BRCA1: variants seen among roughly 807,000 people sequenced by gnomAD.
The protein encoded by BRCA1 is BRCA1 DNA repair associated, also known as breast cancer type 1 susceptibility protein.
In BRCA1, 140 loss-of-function variants were observed where a neutral mutation model predicts 173.7. The ratio of observed to expected loss-of-function variants is 0.81; its 90% CI spans 0.70 to 0.93. The LOEUF (loss-of-function observed/expected upper bound fraction) is 0.93. Ranked by LOEUF, BRCA1 falls within the 40% of genes least tolerant of loss-of-function variation. The probability of loss-of-function intolerance (pLI) is 0.00; values close to 1 mark genes in which losing one functional copy is unlikely to be tolerated. For synonymous variants in BRCA1, 662 were observed against 756.0 expected, an observed-to-expected ratio of 0.88 and a Z score of 2.04; for missense variants, 1,983 against 2,172.5, an observed-to-expected ratio of 0.91 and a Z score of 1.73.
At chr17:43,145,978 G>A (rs140707690) in intron 1 of BRCA1, among the ~76,000 whole-genome samples, 5 of 152,180 alleles carry the variant, frequency 3.3e-5, no homozygotes, top group African/African-American at 1.2e-4. Flanking sequence ...TTGTTTTGTA[G>A]TAGAATTGTT....
chr17:43,109,923 C>T lies in BRCA1; in HGVS notation c.135-3390G>A, dbSNP rs187354131. Among the ~76,000 whole-genome samples, 731 of 149,914 alleles carry T rather than the reference C, an allele frequency of 4.9e-3. 3 individuals carry two copies. Among genetic ancestry groups the T allele is most frequent in the South Asian group, 0.028 (134 of 4,770 alleles). ...CTTTTTTTTTTTTTTTAGACGGAGTCTCGCTCTGTCTCTCAGGCTGGAGTG... is the reference window on the plus strand; with the variant it reads ...CTTTTTTTTTTTTTTTAGACGGAGTTTCGCTCTGTCTCTCAGGCTGGAGTG... On this transcript the variant is annotated intron_variant, in intron 3 of 22. Coordinates refer to ENST00000357654, the MANE Select transcript of BRCA1 (RefSeq NM_007294.4).
At chr17:43,079,775 G>A (rs941161520) in intron 12 of BRCA1, 14 of 1,080,228 alleles carry the variant, frequency 1.3e-5, no homozygotes, top group East Asian at 2.4e-5. Flanking sequence ...TGAATTCATG[G>A]CATAATAGGT....
At chr17:43,139,110 G>A (rs554856486) in intron 1 of BRCA1, among the ~76,000 whole-genome samples, 4 of 151,812 alleles carry the variant, frequency 2.6e-5, no homozygotes, top group Non-Finnish European at 2.9e-5. Flanking sequence ...CTCTGCCCCC[G>A]GTTCCTAACA....
intron 2 of BRCA1, among the ~76,000 whole-genome samples, chr17:43,117,665 G>A (rs930326276): frequency 6.6e-6 from 1 of 152,010 alleles, no homozygotes; most frequent in Non-Finnish European, 1.5e-5. Context: ...CTTGAACCGG[G>A]GAAGTGCACG....
intron 3 of BRCA1, among the ~76,000 whole-genome samples, chr17:43,108,692 G>A (rs1186440693): frequency 2.3e-5 from 3 of 129,670 alleles, no homozygotes; most frequent in Non-Finnish European, 4.7e-5. Context: ...GGGCAACAGA[G>A]GAAGACTCTG....
At chr17:43,164,016 G>A (rs1033258491) in intron 1 of BRCA1, 1 of 152,270 alleles carries the variant, frequency 6.6e-6, no homozygotes, top group African/African-American at 2.4e-5. Context: ...CACCTTAGTG[G>A]AAAGGGGACA....
intron 19 of BRCA1, among the ~76,000 whole-genome samples, chr17:43,055,157 G>T (rs1202459919): frequency 1.3e-5 from 2 of 152,218 alleles, no homozygotes; most frequent in Non-Finnish European, 2.9e-5. Context: ...GGCCTGACAG[G>T]TAAGTGTGAA....
At chr17:43,149,012 C>T (rs2056142036) in intron 1 of BRCA1, among the ~76,000 whole-genome samples, 1 of 152,182 alleles carries the variant, frequency 6.6e-6, no homozygotes, top group Non-Finnish European at 1.5e-5. Flanking sequence ...ACACCAGAAT[C>T]TGTGAACGCT....
At chr17:43,108,376 CT>C (rs2054883594) in intron 3 of BRCA1, among the ~76,000 whole-genome samples, 1 of 149,826 alleles carries the variant, frequency 6.7e-6, no homozygotes, top group Non-Finnish European at 1.5e-5. Flanking sequence ...AGAAAAGACA[CT>C]TAGAGAATAT....
chr17:43,125,087 G>C, intron 1 of BRCA1, 184 bp downstream of exon 1: 1 of 439,890 alleles, frequency 2.3e-6, no homozygotes, highest in East Asian at 7.3e-5. Context: ...CTGATCCTCA[G>C]CGCTTCCCTC....
intron 12 of BRCA1, among the ~76,000 whole-genome samples, chr17:43,080,941 G>A (rs2052978244): frequency 6.6e-6 from 1 of 152,050 alleles, no homozygotes; most frequent in Non-Finnish European, 1.5e-5. Flanking sequence ...GTTCATTTGA[G>A]TTTCAGTTAG....
rs1282264606 is a variant in BRCA1 at position 43,045,970 on chromosome 17, TAG to T, written c.5468-170_5468-169del. Reference sequence around the variant, plus strand: ...CGGAGTCTTGCTCTGTCGCCGAGGCTAGAGTGTGATGGCGCAATCTCGGCTCA... The same window carrying T: ...CGGAGTCTTGCTCTGTCGCCGAGGCTAGTGTGATGGCGCAATCTCGGCTCA... On this transcript the variant is annotated intron_variant, in intron 22 of 22. Transcript: ENST00000357654. 2.0e-4 allele frequency among the ~76,000 whole-genome samples: 30 copies of T among 149,946 alleles called. No homozygotes were observed. In the East Asian group the frequency reaches 5.9e-3, roughly 30 times the overall value.
At chr17:43,159,123 C>T (rs112250801) in intron 1 of BRCA1, among the ~76,000 whole-genome samples, 2,129 of 152,274 alleles carry the variant, frequency 0.014, 51 homozygotes, top group African/African-American at 0.048. Context: ...TGGTGATGCA[C>T]ACCTGTAGTC....
chr17:43,126,349 T>A (rs1010921849), upstream of BRCA1, among the ~76,000 whole-genome samples: 3 of 152,198 alleles, frequency 2.0e-5, no homozygotes, highest in African/African-American at 7.2e-5. Context: ...ACGGGACTAG[T>A]TACTGTCTTT....
At chr17:43,123,339 G>A (rs750065093) in intron 2 of BRCA1, among the ~76,000 whole-genome samples, 2 of 146,822 alleles carry the variant, frequency 1.4e-5, no homozygotes, top group African/African-American at 5.1e-5. Flanking sequence ...CAACGACACC[G>A]ATCATCCATG....
upstream of BRCA1, among the ~76,000 whole-genome samples, chr17:43,129,410 T>C (rs2055945792): frequency 6.6e-6 from 1 of 152,160 alleles, no homozygotes; most frequent in Non-Finnish European, 1.5e-5. Flanking sequence ...TTTCCAATTG[T>C]GTAATTTGAG....
upstream of BRCA1, chr17:43,125,502 A>T (rs1597926273): frequency 3.0e-6 from 1 of 335,362 alleles, no homozygotes; most frequent in African/African-American, 2.2e-5. Context: ...GATGGGAGGG[A>T]CAGAAAGAGC....
intron 11 of BRCA1, among the ~76,000 whole-genome samples, chr17:43,086,105 T>TACATACAC (rs1567785421): frequency 2.1e-5 from 2 of 94,110 alleles, no homozygotes; most frequent in African/African-American, 1.2e-4. Context: ...TTTTATCACA[T>TACATACAC]ACATACACAC....
In BRCA1 at chr17:43,071,190, G is replaced by C. The variant is rs80357052; in HGVS notation, c.4724C>G (p.Pro1575Arg). The change falls in exon 15 of 23, where the codon CCT (proline) becomes CGT (arginine). Residue 1575 changes from proline (P) to arginine (R), a missense_variant. Transcript: ENST00000357654. The stretch of plus-strand genomic sequence containing the variant: ...TCTGTCTTCAGAAGGATCAGATTCA[G>C]GGTCATCAGAGAAGAGGCTGATTCC... ...ESGISLFSDD[P>R]ESDPSEDRAP... 6.2e-7 allele frequency: 1 copy of C among 1,614,224 alleles called. No individual in the cohort carries two copies. The highest frequency in any genetic ancestry group is 1.3e-5 in the African/African-American group (1 of 75,070).
Sources: gnomAD v4.1 joint callset for allele counts (sites outside exome capture counted in the v4.1 genomes callset) on GRCh38, gnomAD v4.1.1 for gene constraint, MANE v1.5 for transcripts, NCBI Gene and HGNC (gene_info 2026-07-23, HGNC 2026-07-21) for gene names.